DCP2: variants seen among roughly 807,000 people sequenced by gnomAD.
DCP2 encodes m7GpppN-mRNA hydrolase.
A neutral mutation model predicts 56.1 loss-of-function variants in DCP2; 30 were observed. That is an observed-to-expected ratio of 0.53 (90% CI 0.40 to 0.73). The LOEUF (loss-of-function observed/expected upper bound fraction) is 0.73, where lower values mean the gene tolerates loss of function less well. Among genes scored for constraint, DCP2 ranks in the 30% least tolerant of loss-of-function variants. DCP2 has a pLI of 0.00. For missense variants in DCP2, 533 were observed against 502.7 expected (o/e 1.06, Z -0.58); for synonymous variants, 197 against 163.3 (o/e 1.21, Z -1.57).
intron 8 of DCP2, among the ~76,000 whole-genome samples, chr5:113,006,267 A>G (rs1277623929): frequency 6.6e-6 from 1 of 152,212 alleles, no homozygotes; most frequent in African/African-American, 2.4e-5. Context: ...ATAGAGACAC[A>G]AAGTAGAGAT....
chr5:113,006,139 A>AT (rs1428205866), intron 8 of DCP2, among the ~76,000 whole-genome samples: 1 of 151,174 alleles, frequency 6.6e-6, no homozygotes, highest in African/African-American at 2.4e-5. Context: ...AAAAAAAAAA[A>AT]TTTCGAAGCA....
At chr5:113,009,141 G>A (rs1749571851) in intron 9 of DCP2, among the ~76,000 whole-genome samples, 2 of 152,094 alleles carry the variant, frequency 1.3e-5, no homozygotes, top group South Asian at 2.1e-4. Flanking sequence ...CACCGCTCCC[G>A]GCCGACAGAT....
At chr5:113,005,032 G>A (rs1404951066) in intron 8 of DCP2, among the ~76,000 whole-genome samples, 2 of 151,984 alleles carry the variant, frequency 1.3e-5, no homozygotes, top group Non-Finnish European at 2.9e-5. Context: ...TAGAGCCCGA[G>A]GCAGGAGAAT....
At chr5:113,006,139 A>T (rs1041119955) in intron 8 of DCP2, among the ~76,000 whole-genome samples, 2 of 151,174 alleles carry the variant, frequency 1.3e-5, no homozygotes, top group Non-Finnish European at 3.0e-5. Flanking sequence ...AAAAAAAAAA[A>T]TTTCGAAGCA....
At chr5:112,990,700 C>T (rs1291406541) in intron 2 of DCP2, among the ~76,000 whole-genome samples, 1 of 152,116 alleles carries the variant, frequency 6.6e-6, no homozygotes, top group Non-Finnish European at 1.5e-5. Flanking sequence ...CTTTGGCCTC[C>T]CAAAGTGCTA....
chr5:112,999,408 A>G (rs1749023725), intron 4 of DCP2, among the ~76,000 whole-genome samples: 1 of 151,876 alleles, frequency 6.6e-6, no homozygotes, highest in African/African-American at 2.4e-5. Flanking sequence ...GCTCACTGCA[A>G]CCTCCATTTC....
intron 3 of DCP2, among the ~76,000 whole-genome samples, 182 bp from the exon 4 acceptor site, chr5:112,992,490 G>C (rs890072156): frequency 6.6e-6 from 1 of 151,784 alleles, no homozygotes; most frequent in Non-Finnish European, 1.5e-5. Context: ...TTTTTAAATG[G>C]GCAGAATGCT....
intron 10 of DCP2, 130 bp from the exon 11 acceptor site, chr5:113,013,191 G>A: frequency 1.1e-6 from 1 of 909,262 alleles, no homozygotes; most frequent in Non-Finnish European, 1.6e-6. Context: ...TGGTGGTTCT[G>A]TTTAGGGTTA....
At chr5:113,012,486 G>A (rs1459091567) in intron 10 of DCP2, among the ~76,000 whole-genome samples, 2 of 152,150 alleles carry the variant, frequency 1.3e-5, no homozygotes, top group Admixed American at 1.3e-4. Context: ...CCTCATTTCA[G>A]ACTTTCTTTC....
intron 4 of DCP2, among the ~76,000 whole-genome samples, chr5:112,996,595 C>G (rs188963425): frequency 5.9e-5 from 9 of 152,324 alleles, no homozygotes; most frequent in Non-Finnish European, 1.2e-4. Context: ...GACACATCCT[C>G]AAACAGGGAA....
intron 4 of DCP2, among the ~76,000 whole-genome samples, chr5:112,996,624 T>TA (rs1440092510): frequency 6.6e-6 from 1 of 152,204 alleles, no homozygotes; most frequent in African/African-American, 2.4e-5. Flanking sequence ...GGGCTAAGCC[T>TA]AAAGCAGCAG....
At chr5:112,979,698 G>A (rs1295984871) in intron 1 of DCP2, among the ~76,000 whole-genome samples, 1 of 152,142 alleles carries the variant, frequency 6.6e-6, no homozygotes, top group Non-Finnish European at 1.5e-5. Flanking sequence ...CCTTTAGACT[G>A]CTCATAACCT....
Position 112,988,293 on chromosome 5 carries a change from C to T in DCP2, c.205+2307C>T, listed in dbSNP as rs867383543. On this transcript the variant is annotated intron_variant, in intron 2 of 10. Transcript: ENST00000389063. ...GTCAGGAGATCGAGACCATCCTGGC[C>T]AACACAGTAAAACCCCGTCTCTACT... Among the ~76,000 whole-genome samples the T allele has an allele frequency of 1.5e-4, 22 of 146,980 alleles. No homozygotes were observed. The Middle Eastern group carries it at 0.01, about 70-fold the overall frequency.
In DCP2 at chr5:113,013,586, A is replaced by C; in HGVS notation, c.*102A>C. 7.3e-7 allele frequency: 1 copy of C among 1,367,302 alleles called. No individual in the cohort carries two copies. Among genetic ancestry groups the C allele is most frequent in the South Asian group, 1.4e-5 (1 of 72,168 alleles). 84.7% of individuals were successfully genotyped at this position (1,367,302 alleles called of 1,614,324 possible). A position where few individuals can be genotyped will look rare whatever the true frequency, so the allele number is the denominator to read the frequency against. On this transcript the variant is annotated 3_prime_UTR_variant, in exon 11 of 11. Coordinates refer to ENST00000389063, the MANE Select transcript of DCP2 (RefSeq NM_152624.6). ...TTTCTCAGGTGTTTTAAAGAAATGC[A>C]GGGAGGCAATGTTTCTGAAGACATT...
chr5:113,009,046 C>A (rs987366828), intron 9 of DCP2, among the ~76,000 whole-genome samples: 2 of 152,090 alleles, frequency 1.3e-5, no homozygotes, highest in African/African-American at 4.8e-5. Context: ...AGGGTTTCAC[C>A]ATGTTGGCCA....
At chr5:112,996,746 C>T (rs1194590513) in intron 4 of DCP2, among the ~76,000 whole-genome samples, 1 of 152,100 alleles carries the variant, frequency 6.6e-6, no homozygotes, top group Non-Finnish European at 1.5e-5. Context: ...TAGTAATTTC[C>T]AATCTTCTAT....
intron 9 of DCP2, chr5:113,008,280 TAATATC>T (rs1346388316): frequency 2.7e-6 from 1 of 373,878 alleles, no homozygotes; most frequent in East Asian, 4.1e-5. Flanking sequence ...CTGTTTATTT[TAATATC>T]AATGTGTACT....
intron 2 of DCP2, among the ~76,000 whole-genome samples, chr5:112,986,240 C>G (rs1379724408): frequency 6.6e-6 from 1 of 152,118 alleles, no homozygotes; most frequent in Non-Finnish European, 1.5e-5. Flanking sequence ...TTTTCCCATG[C>G]ATAGCTAGCC....
intron 4 of DCP2, among the ~76,000 whole-genome samples, chr5:112,999,037 G>A (rs529959874): frequency 1.6e-4 from 24 of 152,240 alleles, no homozygotes; most frequent in Non-Finnish European, 3.5e-4. Flanking sequence ...TAATTGACAC[G>A]TCTCTTCAGT....
Sources: allele counts gnomAD v4.1 joint callset (sites outside exome capture counted in the v4.1 genomes callset), GRCh38; gene constraint gnomAD v4.1.1; transcripts MANE v1.5; gene names NCBI Gene and HGNC (gene_info 2026-07-23, HGNC 2026-07-21).